The following ZSWIM6 variants were observed in gnomAD, a reference collection of about 807,000 sequenced individuals.
ZSWIM6 encodes zinc finger SWIM-type containing 6.
A neutral mutation model predicts 113.2 loss-of-function variants in ZSWIM6; 9 were observed. That is an observed-to-expected ratio of 0.08 (90% CI 0.05 to 0.14). The LOEUF (loss-of-function observed/expected upper bound fraction) is 0.14. Ranked by LOEUF, ZSWIM6 falls within the 10% of genes least tolerant of loss-of-function variation. The probability of loss-of-function intolerance (pLI) is 1.00; values close to 1 mark genes in which losing one functional copy is unlikely to be tolerated. For missense variants in ZSWIM6, 1,162 were observed against 1,552.2 expected, an observed-to-expected ratio of 0.75 and a Z score of 4.22; for synonymous variants, 611 against 606.5, an observed-to-expected ratio of 1.01 and a Z score of -0.11.
At chr5:61,378,458 T>A (rs1745414209) in intron 1 of ZSWIM6, among the ~76,000 whole-genome samples, 1 of 152,222 alleles carries the variant, frequency 6.6e-6, no homozygotes, top group Admixed American at 6.5e-5. Flanking sequence ...GTTGCTTATG[T>A]ATGCATACAA....
chr5:61,520,893 G>C (rs1424638290), intron 4 of ZSWIM6, among the ~76,000 whole-genome samples: 5 of 152,024 alleles, frequency 3.3e-5, no homozygotes, highest in African/African-American at 1.2e-4. Context: ...TGGCATTTTT[G>C]TCTAAAATGT....
chr5:61,447,939 A>G (rs1252117702), intron 1 of ZSWIM6, among the ~76,000 whole-genome samples: 1 of 152,200 alleles, frequency 6.6e-6, no homozygotes, highest in Non-Finnish European at 1.5e-5. Flanking sequence ...AGGGAGGAGT[A>G]AAGAGAAGTT....
At chr5:61,385,662 C>T (rs1745579495) in intron 1 of ZSWIM6, among the ~76,000 whole-genome samples, 1 of 152,204 alleles carries the variant, frequency 6.6e-6, no homozygotes, top group Non-Finnish European at 1.5e-5. Context: ...AATGCACATC[C>T]TCTGTATAGC....
At chr5:61,527,944 T>C (rs1260009694) in intron 7 of ZSWIM6, among the ~76,000 whole-genome samples, 1 of 152,182 alleles carries the variant, frequency 6.6e-6, no homozygotes, top group East Asian at 1.9e-4. Context: ...TAACTTAGAC[T>C]CCTTTGATTG....
At chr5:61,333,126 C>T (rs533553667) in intron 1 of ZSWIM6, among the ~76,000 whole-genome samples, 178 bp downstream of exon 1, 2 of 151,792 alleles carry the variant, frequency 1.3e-5, no homozygotes, top group South Asian at 4.1e-4. Context: ...CCCTCCCTTC[C>T]CTGCCCCCCG....
chr5:61,375,099 G>A lies in ZSWIM6; in HGVS notation c.676+42151G>A, dbSNP rs952030404. On this transcript the variant is annotated intron_variant, in intron 1 of 13. Coordinates refer to ENST00000252744, the MANE Select transcript of ZSWIM6 (RefSeq NM_020928.2). ...TTTCCCTCGGTGTGCTACTGTGCGCGCGATCCAGCACCATGGGGAAGCGGG... is the reference window on the plus strand; with the variant it reads ...TTTCCCTCGGTGTGCTACTGTGCGCACGATCCAGCACCATGGGGAAGCGGG... The A allele has an allele frequency of 1.0e-5, 16 of 1,606,398 alleles. No homozygotes were observed. The Admixed American group carries it at 1.8e-4, about 18-fold the overall frequency.
intron 1 of ZSWIM6, among the ~76,000 whole-genome samples, chr5:61,425,857 A>G (rs1746454026): frequency 6.6e-6 from 1 of 152,188 alleles, no homozygotes; most frequent in South Asian, 2.1e-4. Context: ...CTGAAGTGGT[A>G]AGCTGCCCCT....
chr5:61,491,972 TTAACTC>T (rs1748190981), intron 3 of ZSWIM6, among the ~76,000 whole-genome samples: 1 of 152,044 alleles, frequency 6.6e-6, no homozygotes, highest in Admixed American at 6.6e-5. Context: ...TAAAATACAT[TTAACTC>T]TAATACTACT....
At chr5:61,480,511 C>T (rs1161771975) in intron 2 of ZSWIM6, among the ~76,000 whole-genome samples, 1 of 152,108 alleles carries the variant, frequency 6.6e-6, no homozygotes, top group Non-Finnish European at 1.5e-5. Flanking sequence ...GAGAGGACAC[C>T]ACACTATATT....
chr5:61,376,020 TA>T (rs1745368541), intron 1 of ZSWIM6, among the ~76,000 whole-genome samples: 1 of 106,052 alleles, frequency 9.4e-6, no homozygotes, highest in Admixed American at 1.1e-4. Flanking sequence ...GAAAGGGCCA[TA>T]AATGTTGCCT....
intron 1 of ZSWIM6, among the ~76,000 whole-genome samples, chr5:61,410,288 T>C (rs913310648): frequency 3.3e-5 from 5 of 151,978 alleles, no homozygotes; most frequent in African/African-American, 1.2e-4. Flanking sequence ...GTGAATAGTA[T>C]TGTAATAATG....
chr5:61,373,372 C>CTTTTTTTTTT (rs748556109), intron 1 of ZSWIM6, among the ~76,000 whole-genome samples: 20 of 102,938 alleles, frequency 1.9e-4, no homozygotes, highest in Admixed American at 3.2e-4. Flanking sequence ...CTCAGTATTT[C>CTTTTTTTTTT]TTTTTTTTTT....
chr5:61,523,756 A>T (rs553541637), intron 5 of ZSWIM6, among the ~76,000 whole-genome samples: 1 of 152,154 alleles, frequency 6.6e-6, no homozygotes, highest in African/African-American at 2.4e-5. Flanking sequence ...TGTGTTTCCC[A>T]TATTATTACA....
intron 1 of ZSWIM6, among the ~76,000 whole-genome samples, chr5:61,360,464 T>TG (rs1181103990): frequency 1.3e-5 from 2 of 152,228 alleles, no homozygotes; most frequent in Admixed American, 6.5e-5. Flanking sequence ...AGAAGGTAAG[T>TG]AGTTCTCCTA....
chr5:61,387,944 A>G (rs2112088346), intron 1 of ZSWIM6, among the ~76,000 whole-genome samples: 1 of 147,414 alleles, frequency 6.8e-6, no homozygotes, highest in African/African-American at 2.5e-5. Flanking sequence ...CCTACTACCT[A>G]AGTTTTACAG....
At chr5:61,369,357 A>G (rs1272466684) in intron 1 of ZSWIM6, among the ~76,000 whole-genome samples, 2 of 152,264 alleles carry the variant, frequency 1.3e-5, no homozygotes, top group African/African-American at 2.4e-5. Flanking sequence ...TAATTTGGTC[A>G]TTGGATCAAA....
At chr5:61,505,465 T>C (rs1381886215) in intron 4 of ZSWIM6, among the ~76,000 whole-genome samples, 1 of 152,158 alleles carries the variant, frequency 6.6e-6, no homozygotes, top group Non-Finnish European at 1.5e-5. Flanking sequence ...CTGTTTTTGA[T>C]GTATCTTTCA....
chr5:61,538,620 G>A (rs1217152292), intron 10 of ZSWIM6, among the ~76,000 whole-genome samples, 194 bp from the exon 11 acceptor site: 1 of 152,126 alleles, frequency 6.6e-6, no homozygotes, highest in East Asian at 1.9e-4. Context: ...GTTATTATTA[G>A]CAAACAATTA....
chr5:61,466,603 A>G (rs1747442062), intron 1 of ZSWIM6, among the ~76,000 whole-genome samples: 1 of 152,230 alleles, frequency 6.6e-6, no homozygotes, highest in African/African-American at 2.4e-5. Flanking sequence ...CCATGAAAGC[A>G]GTAGTTTTTA....
Sources: allele counts gnomAD v4.1 joint callset (sites outside exome capture counted in the v4.1 genomes callset), GRCh38; gene constraint gnomAD v4.1.1; transcripts MANE v1.5; gene names NCBI Gene and HGNC (gene_info 2026-07-23, HGNC 2026-07-21).